HCN1: variants seen among roughly 807,000 people sequenced by gnomAD.
HCN1 encodes potassium/sodium hyperpolarization-activated cyclic nucleotide-gated channel 1.
Under a neutral mutation model 78.9 loss-of-function variants are expected in HCN1, and 13 were observed. The ratio of observed to expected loss-of-function variants is 0.16; its 90% confidence interval spans 0.11 to 0.26. HCN1 has a LOEUF of 0.26. Among genes scored for constraint, HCN1 ranks in the 10% least tolerant of loss-of-function variants. HCN1 has a pLI of 1.00. For missense variants in HCN1, 810 were observed against 1,154.3 expected, an observed-to-expected ratio of 0.70 and a Z score of 4.32; for synonymous variants, 552 against 455.5, an observed-to-expected ratio of 1.21 and a Z score of -2.70.
At chr5:45,584,016 G>A (rs1212293651) in intron 2 of HCN1, among the ~76,000 whole-genome samples, 1 of 152,204 alleles carries the variant, frequency 6.6e-6, no homozygotes, top group Non-Finnish European at 1.5e-5. Flanking sequence ...TTGATTTGGG[G>A]TGGAGAGTTC....
chr5:45,367,297 A>T (rs1040190373), intron 4 of HCN1, among the ~76,000 whole-genome samples: 1 of 151,872 alleles, frequency 6.6e-6, no homozygotes, highest in African/African-American at 2.4e-5. Flanking sequence ...TATACAAAAG[A>T]TCCATATTGG....
rs1740951056 is a variant in HCN1, at chr5:45,452,859, G to A, written c.1011+8987C>T. On this transcript the variant is annotated intron_variant, in intron 3 of 7. Transcript: ENST00000303230. ...AACAAACACTTCAAAAAAAATGATG[G>A]GTTATACAATGGGGTTACGAAATGT... Among the ~76,000 whole-genome samples the A allele has an allele frequency of 2.6e-5, 4 of 151,884 alleles. No individual in the cohort carries two copies. The South Asian group carries it at 8.3e-4, about 32-fold the overall frequency.
chr5:45,264,472 G>A (rs1020686525), intron 7 of HCN1, among the ~76,000 whole-genome samples: 1 of 152,084 alleles, frequency 6.6e-6, no homozygotes, highest in East Asian at 1.9e-4. Context: ...ACACATTAAA[G>A]GTAACAAAAT....
At chr5:45,541,312 GCT>G (rs1020311474) in intron 2 of HCN1, among the ~76,000 whole-genome samples, 49 of 152,236 alleles carry the variant, frequency 3.2e-4, no homozygotes, top group African/African-American at 1.1e-3. Flanking sequence ...GATCTCCAGA[GCT>G]CTGTTCTCTA....
intron 5 of HCN1, among the ~76,000 whole-genome samples, chr5:45,340,801 C>T (rs978836828): frequency 6.6e-6 from 1 of 152,032 alleles, no homozygotes; most frequent in Non-Finnish European, 1.5e-5. Context: ...TAGTTTAAGG[C>T]ACTAAGAAGA....
At chr5:45,689,685 ATG>A (rs1485661238) in intron 1 of HCN1, among the ~76,000 whole-genome samples, 4 of 152,104 alleles carry the variant, frequency 2.6e-5, no homozygotes, top group Non-Finnish European at 5.9e-5. Context: ...GTGGCATGTA[ATG>A]AGGCTGCATA....
At chr5:45,386,235 G>T (rs574378930) in intron 4 of HCN1, among the ~76,000 whole-genome samples, 5 of 150,158 alleles carry the variant, frequency 3.3e-5, no homozygotes. Context: ...GAGTTCAGTG[G>T]TGTGATCAGA....
rs73103047 is a variant in HCN1, at chr5:45,554,241, C to T, written c.849+90944G>A. 8.4e-3 allele frequency among the ~76,000 whole-genome samples: 1,282 copies of T among 151,886 alleles called. 24 individuals carry two copies. The highest frequency in any genetic ancestry group is 0.03 in the African/African-American group (1,255 of 41,464). On this transcript the variant is annotated intron_variant, in intron 2 of 7. Transcript: ENST00000303230. ...GTATCTTCATAAAATTGTGACTACC[C>T]ATGCATTAAGTACTCATAATGGGTA...
chr5:45,346,819 C>A (rs1483380705), intron 5 of HCN1, among the ~76,000 whole-genome samples: 2 of 152,190 alleles, frequency 1.3e-5, no homozygotes, highest in South Asian at 4.1e-4. Context: ...GGGAGGGGCA[C>A]CCTCCATGGC....
intron 5 of HCN1, among the ~76,000 whole-genome samples, chr5:45,306,696 C>A (rs1259637929): frequency 1.3e-5 from 2 of 152,070 alleles, no homozygotes. Flanking sequence ...TAATCAATCA[C>A]CTTTCCTTAG....
At chr5:45,671,747 T>C (rs747055045) in intron 1 of HCN1, among the ~76,000 whole-genome samples, 4 of 151,576 alleles carry the variant, frequency 2.6e-5, no homozygotes, top group Non-Finnish European at 5.9e-5. Flanking sequence ...TAAACAATAG[T>C]TAAATATTAA....
intron 2 of HCN1, among the ~76,000 whole-genome samples, chr5:45,584,192 G>T (rs578065170): frequency 2.0e-5 from 3 of 152,148 alleles, no homozygotes; most frequent in Non-Finnish European, 2.9e-5. Flanking sequence ...CTAAGGACTT[G>T]CTTTATGAAT....
chr5:45,544,489 C>A (rs1743167820), intron 2 of HCN1, among the ~76,000 whole-genome samples: 2 of 151,936 alleles, frequency 1.3e-5, no homozygotes, highest in East Asian at 1.9e-4. Context: ...TACATGTGCA[C>A]AATGTGCAGG....
chr5:45,583,504 GT>G (rs1254087105), intron 2 of HCN1, among the ~76,000 whole-genome samples: 1 of 152,008 alleles, frequency 6.6e-6, no homozygotes, highest in East Asian at 1.9e-4. Context: ...TTTTTGAAGG[GT>G]TTTTTGTGTC....
chr5:45,585,148 G>A (rs774312507), intron 2 of HCN1, among the ~76,000 whole-genome samples: 31 of 152,232 alleles, frequency 2.0e-4, no homozygotes, highest in Non-Finnish European at 3.7e-4. Flanking sequence ...CATTCTCCCC[G>A]TCACTTTCAG....
In HCN1 at chr5:45,391,286, C is replaced by T. The variant is rs1010385243; in HGVS notation, c.1230+5206G>A. Among the ~76,000 whole-genome samples the T allele has an allele frequency of 2.0e-5, 3 of 152,042 alleles. No individual in the cohort carries two copies. In the East Asian group the frequency reaches 5.8e-4, roughly 29 times the overall value. ...TCAAAACATTTTTTATTTAAGTACTCAGTCGATATGATTTTTCAAGGTCAA... is the reference window on the plus strand; with the variant it reads ...TCAAAACATTTTTTATTTAAGTACTTAGTCGATATGATTTTTCAAGGTCAA... On this transcript the variant is annotated intron_variant, in intron 4 of 7. Transcript: ENST00000303230.
At chr5:45,345,436 C>A (rs1299621669) in intron 5 of HCN1, among the ~76,000 whole-genome samples, 1 of 152,152 alleles carries the variant, frequency 6.6e-6, no homozygotes, top group Non-Finnish European at 1.5e-5. Context: ...TGGGCTTTTT[C>A]TTTTCTACTA....
chr5:45,637,012 T>C (rs1745370203), intron 2 of HCN1, among the ~76,000 whole-genome samples: 1 of 152,184 alleles, frequency 6.6e-6, no homozygotes, highest in African/African-American at 2.4e-5. Context: ...AAAGTGTATG[T>C]TCAACAATAA....
chr5:45,485,913 C>G (rs1363501013), intron 2 of HCN1, among the ~76,000 whole-genome samples: 1 of 152,032 alleles, frequency 6.6e-6, no homozygotes, highest in African/African-American at 2.4e-5. Context: ...TAGTTAGGCC[C>G]CATAGTTAGG....
Sources: allele counts gnomAD v4.1 joint callset (sites outside exome capture counted in the v4.1 genomes callset), GRCh38; gene constraint gnomAD v4.1.1; transcripts MANE v1.5; gene names NCBI Gene and HGNC (gene_info 2026-07-23, HGNC 2026-07-21).